Variants in SETD4 observed in about 807,000 individuals in gnomAD.
SETD4 encodes the protein SET domain containing 4.
Under a neutral mutation model 58.3 loss-of-function variants are expected in SETD4, and 46 were observed. The observed-to-expected ratio is 0.79, with a 90% CI of 0.62 to 1.01. SETD4 has a LOEUF of 1.01. Among genes scored for constraint, SETD4 ranks in the 50% least tolerant of loss-of-function variants. The probability of loss-of-function intolerance (pLI) is 0.00; values close to 1 mark genes in which losing one functional copy is unlikely to be tolerated. For synonymous variants in SETD4, 190 were observed against 202.6 expected (o/e 0.94, Z 0.53); for missense variants, 490 against 523.3 (o/e 0.94, Z 0.62).
chr21:36,045,896 T>TATAC lies in SETD4; in HGVS notation c.408_411dup (p.Thr138ValfsTer24). Reference sequence around the variant, plus strand: ...TCCGGCTCCAAACAAACAGGGCAGGTATACGCCTTGGGTAAAATCTCCAGG... The same window carrying TATAC: ...TCCGGCTCCAAACAAACAGGGCAGGTATACATACGCCTTGGGTAAAATCTCCAGG... On this transcript the variant is annotated frameshift_variant, in exon 6 of 12. Coordinates refer to ENST00000332131, the MANE Select transcript of SETD4 (RefSeq NM_017438.5). LOFTEE classifies it high-confidence loss of function. The TATAC allele has an allele frequency of 6.2e-7, 1 of 1,614,182 alleles. No individual in the cohort carries two copies. The highest frequency in any genetic ancestry group is 8.5e-7 in the Non-Finnish European group (1 of 1,180,038).
At position 36,045,664 on chromosome 21, in the gene SETD4, T is replaced by C; in HGVS notation, c.644A>G (p.Gln215Arg). ...CGGCTCTGCAGAAAGGCATTCCCGC[T>C]GCCTGGGCCTCAGGTACACGGCTCT... ...NTRAVYLRPRQRECLSAEPDT... is the reference protein window; with the variant it reads ...NTRAVYLRPRRRECLSAEPDT... The change falls in exon 6 of 12, where the codon CAG becomes CGG. Residue 215 changes from glutamine (Q) to arginine (R), a missense_variant. Physicochemically the swap from Gln to Arg is conservative, Grantham distance 43. Coordinates refer to ENST00000332131, the MANE Select transcript of SETD4 (RefSeq NM_017438.5). 1.2e-6 allele frequency: 2 copies of C among 1,614,152 alleles called. No individual in the cohort carries two copies. Among genetic ancestry groups the C allele is most frequent in the South Asian group, 1.1e-5 (1 of 91,084 alleles).
intron 5 of SETD4, among the ~76,000 whole-genome samples, chr21:36,046,383 T>C (rs974979850): frequency 1.3e-5 from 2 of 152,104 alleles, no homozygotes; most frequent in Non-Finnish European, 2.9e-5. Context: ...TAAAATATGG[T>C]GGGGAAAAAA....
chr21:36,040,205 C>T lies in SETD4; in HGVS notation c.1064+370G>A, dbSNP rs2063980902. ...TGGATCTCCCCCAGGGCAGGACCGA[C>T]GTTAGGGACTCTAGCTCTACTTGTC... On this transcript the variant is annotated intron_variant, in intron 9 of 11. Transcript: ENST00000332131. Among the ~76,000 whole-genome samples, 4 of 152,210 alleles carry T rather than the reference C, an allele frequency of 2.6e-5. 1 individual carries two copies. Among genetic ancestry groups the T allele is most frequent in the Admixed American group, 2.6e-4 (4 of 15,278 alleles).
In SETD4 at chr21:36,049,098, C is replaced by G. The variant is rs189893850; in HGVS notation, c.208-702G>C. Among the ~76,000 whole-genome samples, 443 of 152,290 alleles carry G rather than the reference C, an allele frequency of 2.9e-3. 4 individuals are homozygous for G. Among genetic ancestry groups the G allele is most frequent in the Non-Finnish European group, 3.0e-3 (206 of 68,016 alleles). ...TGCCCAACACAGTAAGCGTCGAACT[C>G]TACCACTTGCAAGAGTATCGTTTTC... On this transcript the variant is annotated intron_variant, in intron 4 of 11. Transcript: ENST00000332131.
At chr21:36,049,253 T>G (rs1279665736) in intron 4 of SETD4, among the ~76,000 whole-genome samples, 2 of 152,118 alleles carry the variant, frequency 1.3e-5, no homozygotes, top group African/African-American at 4.8e-5. Flanking sequence ...GCATCTAAGT[T>G]GGTTAAAAAT....
chr21:36,039,022 G>A (rs2063916282), intron 9 of SETD4, among the ~76,000 whole-genome samples: 1 of 151,964 alleles, frequency 6.6e-6, no homozygotes, highest in African/African-American at 2.4e-5. Context: ...AAAGATGGCT[G>A]CTGTGGAAGT....
At chr21:36,049,683 G>C (rs1454368637) in intron 4 of SETD4, among the ~76,000 whole-genome samples, 1 of 152,170 alleles carries the variant, frequency 6.6e-6, no homozygotes. Context: ...ATGATCTTTT[G>C]GTTTGAAAAT....
At position 36,048,412 on chromosome 21, in the gene SETD4, G is replaced by C; in HGVS notation, c.208-16C>G. On this transcript the variant is annotated splice_polypyrimidine_tract_variant and intron_variant, in intron 4 of 11. Transcript: ENST00000332131. The stretch of plus-strand genomic sequence containing the variant: ...TCTGTCCCTCCTGGCCAAAAGGAAA[G>C]TAAAGTTGAGGACGCCTATGCTTTG... 3.1e-6 allele frequency: 5 copies of C among 1,612,520 alleles called. No individual in the cohort carries two copies. The highest frequency in any genetic ancestry group is 4.2e-6 in the Non-Finnish European group (5 of 1,178,726).
At chr21:36,053,516 G>A (rs1334958389) in intron 4 of SETD4, 67 bp downstream of exon 4, 30 of 1,540,596 alleles carry the variant, frequency 1.9e-5, no homozygotes, top group South Asian at 1.7e-4. Flanking sequence ...AATTCACTTC[G>A]TTTGAACCGC....
chr21:36,052,257 T>TA (rs1196303527), intron 4 of SETD4, among the ~76,000 whole-genome samples: 1 of 152,008 alleles, frequency 6.6e-6, no homozygotes, highest in African/African-American at 2.4e-5. Flanking sequence ...AAAGTAAAAT[T>TA]ACTTTTGGGC....
At chr21:36,056,038 A>G (rs2123764584) in intron 3 of SETD4, among the ~76,000 whole-genome samples, 1 of 152,304 alleles carries the variant, frequency 6.6e-6, no homozygotes, top group East Asian at 1.9e-4. Context: ...CAGAAAGTCA[A>G]GCATTATTTT....
At position 36,038,171 on chromosome 21, in the gene SETD4, C is replaced by T. The variant is rs199557111; in HGVS notation, c.1167G>A (p.Glu389=). The change falls in exon 10 of 12, where the codon GAG becomes GAA. Residue 389 remains glutamate, a synonymous_variant. Coordinates refer to ENST00000332131, the MANE Select transcript of SETD4 (RefSeq NM_017438.5). ...AQKICYYFIE[E]TNAVLQKVSH... Reference sequence around the variant, plus strand: ...ATACCTTTTGAAGCACAGCATTAGTCTCTTCTATGAAATAATAGCATATTT... The same window carrying T: ...ATACCTTTTGAAGCACAGCATTAGTTTCTTCTATGAAATAATAGCATATTT... 3.3e-5 allele frequency: 54 copies of T among 1,613,502 alleles called. No homozygotes were observed. The highest frequency in any genetic ancestry group is 4.4e-5 in the Non-Finnish European group (52 of 1,179,856).
rs767068955 is a variant in SETD4, at chr21:36,036,173, T to C, written c.1267A>G (p.Lys423Glu). 6.2e-6 allele frequency: 10 copies of C among 1,614,036 alleles called. No homozygotes were observed. In the South Asian group the frequency reaches 7.7e-5, roughly 12 times the overall value. The stretch of plus-strand genomic sequence containing the variant: ...GTCTCGGCAGATGCCCTGAGAATCT[T>C]TAGCTCTTCCGTCCACAAGGATTCC... Reference protein sequence around the residue: ...LVESLWTEELKILRASAETLH... With the variant: ...LVESLWTEELEILRASAETLH... The change falls in exon 11 of 12, where the codon AAG (lysine) becomes GAG (glutamate). Residue 423 changes from lysine (K) to glutamate (E), a missense_variant. Transcript: ENST00000332131.
At chr21:36,049,282 C>T (rs750899918) in intron 4 of SETD4, among the ~76,000 whole-genome samples, 2 of 152,222 alleles carry the variant, frequency 1.3e-5, no homozygotes, top group African/African-American at 2.4e-5. Context: ...AGGCCAGGCG[C>T]GGTGGCTCAT....
chr21:36,051,205 A>C, intron 4 of SETD4: 1 of 1,605,938 alleles, frequency 6.2e-7, no homozygotes, highest in Non-Finnish European at 8.5e-7. Context: ...GAGACTAGTG[A>C]GCTGGAGCTG....
At chr21:36,040,780 G>C (rs77527321) in intron 8 of SETD4, 125 bp from the exon 9 acceptor site, 6 of 754,958 alleles carry the variant, frequency 7.9e-6, no homozygotes, top group Non-Finnish European at 2.3e-6. Flanking sequence ...CTGCAACCTC[G>C]GCCAAAGGAC....
chr21:36,049,720 A>C (rs140897023), intron 4 of SETD4, among the ~76,000 whole-genome samples: 18 of 152,364 alleles, frequency 1.2e-4, no homozygotes, highest in Non-Finnish European at 2.6e-4. Flanking sequence ...TTATCATCAA[A>C]ATGCAAACTG....
chr21:36,045,097 C>T (rs1349263754), intron 6 of SETD4, among the ~76,000 whole-genome samples: 2 of 152,210 alleles, frequency 1.3e-5, no homozygotes, highest in Non-Finnish European at 2.9e-5. Context: ...CTGCCATGAG[C>T]ACTGAGGTGA....
At chr21:36,037,604 CAAA>C (rs761175944) in intron 10 of SETD4, among the ~76,000 whole-genome samples, 2 of 62,742 alleles carry the variant, frequency 3.2e-5, no homozygotes. Flanking sequence ...GACTCTGTCT[CAAA>C]AAAAAAAAAA....
Sources: gnomAD v4.1 joint callset for allele counts (sites outside exome capture counted in the v4.1 genomes callset) on GRCh38, gnomAD v4.1.1 for gene constraint, MANE v1.5 for transcripts, NCBI Gene and HGNC (gene_info 2026-07-23, HGNC 2026-07-21) for gene names.